The following ITPK1 variants were observed in gnomAD, a reference collection of about 807,000 sequenced individuals.
The protein encoded by ITPK1 is inositol 1,3,4-trisphosphate 5/6-kinase.
A neutral mutation model predicts 45.3 loss-of-function variants in ITPK1; 21 were observed. The ratio of observed to expected loss-of-function variants is 0.46; its 90% CI spans 0.33 to 0.67. ITPK1 has a LOEUF of 0.67. ITPK1 is among the 30% of genes least tolerant of loss of function. The pLI, the probability that ITPK1 is intolerant of heterozygous loss-of-function variation, is 0.02. For synonymous variants in ITPK1, 258 were observed against 253.6 expected (o/e 1.02, Z -0.16); for missense variants, 474 against 573.5 (o/e 0.83, Z 1.77).
intron 4 of ITPK1, among the ~76,000 whole-genome samples, chr14:93,001,379 G>A (rs1030057098): frequency 1.3e-5 from 2 of 152,114 alleles, no homozygotes; most frequent in Non-Finnish European, 2.9e-5. Context: ...TTTGCTTCTC[G>A]GGACTCCAGC....
At position 93,036,399 on chromosome 14, in the gene ITPK1, G is replaced by A. The variant is rs188127277; in HGVS notation, c.121-19598C>T. On this transcript the variant is annotated intron_variant, in intron 3 of 10. Coordinates refer to ENST00000267615, the MANE Select transcript of ITPK1 (RefSeq NM_014216.6). The surrounding 1 kb of genome is among the most constrained non-coding windows in gnomAD (Gnocchi z 4.1). ...TTAAGATAAACCAAAGATGCTGAGA[G>A]AACAAATGTGACAGGCTCCTCAGTA... 1.6e-3 allele frequency among the ~76,000 whole-genome samples: 240 copies of A among 152,322 alleles called. No homozygotes were observed. The highest frequency in any genetic ancestry group is 5.7e-3 in the African/African-American group (236 of 41,570).
At chr14:93,086,706 C>T (rs1891663712) in intron 2 of ITPK1, among the ~76,000 whole-genome samples, 1 of 152,164 alleles carries the variant, frequency 6.6e-6, no homozygotes, top group Admixed American at 6.5e-5. Flanking sequence ...TGAGCCAGGC[C>T]CTGGAGGGGA....
At chr14:92,954,324 C>T (rs1297916671) in intron 8 of ITPK1, among the ~76,000 whole-genome samples, 2 of 152,228 alleles carry the variant, frequency 1.3e-5, no homozygotes, top group African/African-American at 4.8e-5. Context: ...GAGCAGCCTC[C>T]TGTGGCTGCC....
At chr14:93,074,465 G>A (rs1891137458) in intron 3 of ITPK1, among the ~76,000 whole-genome samples, 1 of 152,222 alleles carries the variant, frequency 6.6e-6, no homozygotes, top group African/African-American at 2.4e-5. Context: ...CGGTGGGGGT[G>A]ACACCCACTG....
At chr14:93,094,752 G>A (rs1448762387) in intron 2 of ITPK1, among the ~76,000 whole-genome samples, 1 of 152,206 alleles carries the variant, frequency 6.6e-6, no homozygotes, top group Non-Finnish European at 1.5e-5. Context: ...TGCAGGCACA[G>A]GGAGAGGCAG....
chr14:93,007,249 T>G (rs1455078120), intron 4 of ITPK1, among the ~76,000 whole-genome samples: 2 of 152,178 alleles, frequency 1.3e-5, no homozygotes. Flanking sequence ...CCTGCTCAGG[T>G]GGGCCTATGC....
intron 8 of ITPK1, among the ~76,000 whole-genome samples, chr14:92,953,462 T>C (rs1452236786): frequency 6.6e-6 from 1 of 152,192 alleles, no homozygotes; most frequent in Non-Finnish European, 1.5e-5. Context: ...AGGGAGTCTG[T>C]GGGGATGGCA....
chr14:92,949,490 C>G (rs1369892182), intron 9 of ITPK1, among the ~76,000 whole-genome samples: 1 of 152,234 alleles, frequency 6.6e-6, no homozygotes, highest in Non-Finnish European at 1.5e-5. Context: ...ATCCTGCAGC[C>G]CAAGGCCCTC....
At chr14:93,027,501 T>A (rs1397757543) in intron 3 of ITPK1, among the ~76,000 whole-genome samples, 1 of 152,078 alleles carries the variant, frequency 6.6e-6, no homozygotes, top group Non-Finnish European at 1.5e-5. Context: ...CCAAGGCAAC[T>A]CGCCTTCATC....
At chr14:93,002,442 C>G (rs1887400429) in intron 4 of ITPK1, among the ~76,000 whole-genome samples, 1 of 152,234 alleles carries the variant, frequency 6.6e-6, no homozygotes, top group African/African-American at 2.4e-5. Flanking sequence ...AGTCTGAACC[C>G]AGGGCCTCTG....
At chr14:92,980,021 T>TC (rs1288557126) in intron 5 of ITPK1, among the ~76,000 whole-genome samples, 1 of 152,062 alleles carries the variant, frequency 6.6e-6, no homozygotes, top group Non-Finnish European at 1.5e-5. Context: ...CGTCAAACGA[T>TC]CCACCCGCCT....
intron 5 of ITPK1, among the ~76,000 whole-genome samples, chr14:92,977,981 A>C (rs1431160921): frequency 6.6e-6 from 1 of 151,958 alleles, no homozygotes; most frequent in Non-Finnish European, 1.5e-5. Flanking sequence ...GCTCAGAAGA[A>C]GATAGGAAGG....
intron 2 of ITPK1, among the ~76,000 whole-genome samples, chr14:93,097,854 C>T (rs1373629408): frequency 6.6e-6 from 1 of 151,990 alleles, no homozygotes; most frequent in Non-Finnish European, 1.5e-5. Context: ...ACTACAAGTA[C>T]AAAAATTAGC....
intron 4 of ITPK1, among the ~76,000 whole-genome samples, chr14:92,996,178 T>C (rs939549805): frequency 6.6e-5 from 10 of 152,086 alleles, no homozygotes; most frequent in African/African-American, 2.2e-4. Context: ...GCCCAGGAGA[T>C]TGAGGCTGCA....
chr14:93,099,029 T>G (rs1251396638), intron 2 of ITPK1, among the ~76,000 whole-genome samples: 1 of 152,142 alleles, frequency 6.6e-6, no homozygotes, highest in Non-Finnish European at 1.5e-5. Context: ...CCCGGGGCCC[T>G]CGGAACTGGG....
At chr14:93,073,989 G>A (rs1891120104) in intron 3 of ITPK1, among the ~76,000 whole-genome samples, 1 of 152,194 alleles carries the variant, frequency 6.6e-6, no homozygotes, top group South Asian at 2.1e-4. Context: ...CCAGAGGACT[G>A]CAAACACCCC....
At chr14:92,978,986 G>A (rs1343162994) in intron 5 of ITPK1, among the ~76,000 whole-genome samples, 1 of 152,106 alleles carries the variant, frequency 6.6e-6, no homozygotes, top group Non-Finnish European at 1.5e-5. Context: ...AAAGCTGTAG[G>A]TACTCAGTGT....
chr14:92,941,959 C>T, intron 10 of ITPK1, 55 bp from the exon 11 acceptor site: 1 of 1,502,670 alleles, frequency 6.7e-7, no homozygotes, highest in Non-Finnish European at 9.1e-7. Context: ...ACGCATCATG[C>T]AGGGAGGAGG....
In ITPK1 at chr14:92,958,871, C is replaced by T. The variant is rs1031175556; in HGVS notation, c.505-505G>A. On this transcript the variant is annotated intron_variant, in intron 7 of 10. Coordinates refer to ENST00000267615, the MANE Select transcript of ITPK1 (RefSeq NM_014216.6). The surrounding 1 kb of genome is among the most constrained non-coding windows in gnomAD (Gnocchi z 4.4). ...AGCCGGGCCCTGTTCTGAGCACGTA[C>T]ACCAGTTACCTAGTGTCTCCCTCAC... Among the ~76,000 whole-genome samples, 1 of 152,178 alleles carries T rather than the reference C, an allele frequency of 6.6e-6. No individual in the cohort carries two copies. The highest frequency in any genetic ancestry group is 2.4e-5 in the African/African-American group (1 of 41,438).
Sources: gnomAD v4.1 joint callset for allele counts (sites outside exome capture counted in the v4.1 genomes callset) on GRCh38, gnomAD v4.1.1 for gene constraint, Gnocchi (gnomAD v3.1) non-coding constraint, MANE v1.5 for transcripts, NCBI Gene and HGNC (gene_info 2026-07-23, HGNC 2026-07-21) for gene names.